SVOPL: variants seen among roughly 807,000 people sequenced by gnomAD.
SVOPL encodes SVOP like, also known as putative transporter SVOPL.
Under a neutral mutation model 61.0 loss-of-function variants are expected in SVOPL, and 60 were observed. That is an observed-to-expected ratio of 0.98 (90% CI 0.80 to 1.22). The LOEUF is 1.22. SVOPL is among the 50% of genes most tolerant of loss of function. The pLI is 0.00. For synonymous variants in SVOPL, 279 were observed against 250.0 expected (o/e 1.12, Z -1.09); for missense variants, 662 against 643.9 (o/e 1.03, Z -0.30).
chr7:138,631,757 C>T (rs1027696693), intron 9 of SVOPL, among the ~76,000 whole-genome samples: 28 of 152,034 alleles, frequency 1.8e-4, no homozygotes, highest in African/African-American at 3.1e-4. Flanking sequence ...TTAGTAGAGA[C>T]GGGGTTTTAC....
intron 9 of SVOPL, 126 bp downstream of exon 9, chr7:138,644,591 G>A (rs1410958672): frequency 2.3e-6 from 3 of 1,314,632 alleles, no homozygotes; most frequent in Non-Finnish European, 3.0e-6. Context: ...ATCTTTCCTG[G>A]CCATCGCCCT....
chr7:138,595,041 C>CCACT (rs1203197827), intron 15 of SVOPL, among the ~76,000 whole-genome samples: 1 of 151,952 alleles, frequency 6.6e-6, no homozygotes, highest in Non-Finnish European at 1.5e-5. Flanking sequence ...CAGACGTGAG[C>CCACT]CACTGTACCT....
intron 8 of SVOPL, 141 bp downstream of exon 8, chr7:138,648,871 G>C: frequency 7.7e-7 from 1 of 1,294,140 alleles, no homozygotes; most frequent in Non-Finnish European, 1.0e-6. Context: ...GCAGTGAGCC[G>C]AGATTGCACC....
intron 7 of SVOPL, among the ~76,000 whole-genome samples, chr7:138,649,497 AT>A (rs2117024057): frequency 6.6e-6 from 1 of 152,014 alleles, no homozygotes; most frequent in South Asian, 2.1e-4. Flanking sequence ...GGATTTCACC[AT>A]GTTGGCCAGG....
At chr7:138,658,451 T>A (rs1193960497) in intron 6 of SVOPL, among the ~76,000 whole-genome samples, 1 of 152,196 alleles carries the variant, frequency 6.6e-6, no homozygotes, top group Non-Finnish European at 1.5e-5. Flanking sequence ...TTTGTTTGTT[T>A]GTTTGTTTTT....
At chr7:138,648,851 G>A (rs1801272045) in intron 8 of SVOPL, among the ~76,000 whole-genome samples, 161 bp downstream of exon 8, 1 of 152,224 alleles carries the variant, frequency 6.6e-6, no homozygotes, top group African/African-American at 2.4e-5. Flanking sequence ...GAACCTGGGA[G>A]GCAGAGGCTG....
chr7:138,677,449 C>T (rs985346325), intron 3 of SVOPL, among the ~76,000 whole-genome samples: 3 of 152,082 alleles, frequency 2.0e-5, no homozygotes, highest in African/African-American at 7.2e-5. Context: ...ACTTACTTTC[C>T]GATTTGGCAT....
At chr7:138,627,621 A>G (rs1333931249) in intron 11 of SVOPL, among the ~76,000 whole-genome samples, 160 bp from the exon 12 acceptor site, 2 of 152,210 alleles carry the variant, frequency 1.3e-5, no homozygotes, top group African/African-American at 4.8e-5. Flanking sequence ...CATCAATTTC[A>G]AGACTTTTTA....
chr7:138,683,171 C>T (rs1343432037), intron 1 of SVOPL, among the ~76,000 whole-genome samples: 1 of 151,348 alleles, frequency 6.6e-6, no homozygotes, highest in Non-Finnish European at 1.5e-5. Flanking sequence ...AAAATATTTA[C>T]TAATGAAATG....
rs1554464905 is a variant in SVOPL, at chr7:138,641,814, T to TATATATATA, written c.789+2902_789+2903insTATATATAT. Among the ~76,000 whole-genome samples the TATATATATA allele has an allele frequency of 1.1e-3, 132 of 120,972 alleles. 1 individual carries two copies. The highest frequency in any genetic ancestry group is 3.9e-3 in the African/African-American group (129 of 32,918). The allele number at this position is 120,972 out of a possible 152,430, so 79.4% of individuals were successfully genotyped here. A position where few individuals can be genotyped will look rare whatever the true frequency, so the allele number is the denominator to read the frequency against. On this transcript the variant is annotated intron_variant, in intron 9 of 15. Coordinates refer to ENST00000674285, the MANE Select transcript of SVOPL (RefSeq NM_001139456.2). ...TCTAGACGTATCAAATATATATATG[T>TATATATATA]TATATATATATATATATATAACATA...
Position 138,615,718 on chromosome 7 carries a change from CT to C in SVOPL, c.1353+5327del, listed in dbSNP as rs1220095232. On this transcript the variant is annotated intron_variant, in intron 14 of 15. Transcript: ENST00000674285. ...GCTGAGGCAGGAGAACTGTTTGAAC[CT>C]GGGAGGCGGAGGTTGCAGTGAGCCG... 7.3e-5 allele frequency among the ~76,000 whole-genome samples: 3 copies of C among 40,842 alleles called. 1 individual carries two copies. The highest frequency in any genetic ancestry group is 1.4e-4 in the Non-Finnish European group (2 of 13,994). The allele number at this position is 40,842 out of a possible 152,430, so 26.8% of individuals were successfully genotyped here. A position where few individuals can be genotyped will look rare whatever the true frequency, so the allele number is the denominator to read the frequency against.
At chr7:138,622,250 CTATG>C (rs369679915) in intron 13 of SVOPL, among the ~76,000 whole-genome samples, 21,545 of 72,272 alleles carry the variant, frequency 0.3, 2,887 homozygotes, top group East Asian at 0.51. Context: ...ATCTATCTAT[CTATG>C]TATCTATCTA....
At position 138,701,279 on chromosome 7, in the gene SVOPL, G is replaced by A. The variant is rs556580347; in HGVS notation, c.-136C>T. 1 of 152,230 alleles carries A rather than the reference G, an allele frequency of 6.6e-6. No homozygotes were observed. The highest frequency in any genetic ancestry group is 2.1e-4 in the South Asian group (1 of 4,826). The allele number at this position is 152,230 out of a possible 1,614,324, so 9.4% of individuals were successfully genotyped here. On this transcript the variant is annotated 5_prime_UTR_variant, in exon 1 of 16. Coordinates refer to ENST00000674285, the MANE Select transcript of SVOPL (RefSeq NM_001139456.2). ...ATTGGAGCACAGATGGCTTCTCAGG[G>A]GTGGCCAGACTTGTGTTCCCAAGAC... is the stretch of plus-strand genomic sequence containing the variant.
Position 138,616,469 on chromosome 7 carries a change from T to A in SVOPL, c.1353+4577A>T, listed in dbSNP as rs188286103. ...CTCCTGCCTGAGCCTCCCGAATAGC[T>A]GGGATTACAGGCGCGCATCAACAAA... On this transcript the variant is annotated intron_variant, in intron 14 of 15. Coordinates refer to ENST00000674285, the MANE Select transcript of SVOPL (RefSeq NM_001139456.2). Among the ~76,000 whole-genome samples the A allele has an allele frequency of 1.8e-4, 28 of 152,194 alleles. No homozygotes were observed. In the East Asian group the frequency reaches 4.2e-3, roughly 23 times the overall value.
chr7:138,689,026 AAT>A, intron 1 of SVOPL: 1 of 694,642 alleles, frequency 1.4e-6, no homozygotes, highest in Non-Finnish European at 2.7e-6. Flanking sequence ...AAATCATGCA[AAT>A]CAAGACGTTC....
chr7:138,594,839 A>G (rs185969448), intron 15 of SVOPL, among the ~76,000 whole-genome samples: 4 of 152,210 alleles, frequency 2.6e-5, no homozygotes, highest in Non-Finnish European at 2.9e-5. Context: ...CGTTTTATAC[A>G]TATACATACA....
chr7:138,665,355 G>A (rs13308573), intron 4 of SVOPL, among the ~76,000 whole-genome samples: 1 of 150,864 alleles, frequency 6.6e-6, no homozygotes, highest in Non-Finnish European at 1.5e-5. Context: ...TGGCCCTTCC[G>A]TTTAGCACAA....
At chr7:138,628,093 G>A in intron 11 of SVOPL, 65 bp downstream of exon 11, 1 of 1,577,208 alleles carries the variant, frequency 6.3e-7, no homozygotes, top group Non-Finnish European at 8.7e-7. Context: ...ACTTCTCTCA[G>A]CTAAGACTCA....
intron 14 of SVOPL, 114 bp downstream of exon 14, chr7:138,620,932 A>G: frequency 1.0e-6 from 1 of 970,728 alleles, no homozygotes; most frequent in Non-Finnish European, 1.6e-6. Context: ...GCACCTCCAG[A>G]AAACTCATGA....
Sources: allele counts gnomAD v4.1 joint callset (sites outside exome capture counted in the v4.1 genomes callset), GRCh38; gene constraint gnomAD v4.1.1; transcripts MANE v1.5; gene names NCBI Gene and HGNC (gene_info 2026-07-23, HGNC 2026-07-21).